The following LINGO2 variants were observed in gnomAD, a reference collection of about 807,000 sequenced individuals.
LINGO2 encodes the protein leucine-rich repeat and immunoglobulin-like domain-containing nogo receptor-interacting protein 2.
In LINGO2, 14 loss-of-function variants were observed where a neutral mutation model predicts 30.6. The observed-to-expected ratio is 0.46, with a 90% CI of 0.30 to 0.72. The LOEUF is 0.72. Among genes scored for constraint, LINGO2 ranks in the 30% least tolerant of loss-of-function variants. The pLI is 0.07. For synonymous variants in LINGO2, 317 were observed against 288.5 expected (o/e 1.10, Z -1.00); for missense variants, 729 against 751.7 (o/e 0.97, Z 0.35).
At chr9:27,967,738 AAC>A (rs1186530070) in intron 5 of LINGO2, among the ~76,000 whole-genome samples, 1 of 152,170 alleles carries the variant, frequency 6.6e-6, no homozygotes, top group African/African-American at 2.4e-5. Flanking sequence ...ACATTAGAGA[AAC>A]ACATCTTGCC....
intron 3 of LINGO2, among the ~76,000 whole-genome samples, chr9:28,296,004 C>A (rs150712103): frequency 6.6e-6 from 1 of 152,098 alleles, no homozygotes; most frequent in African/African-American, 2.4e-5. Context: ...AAGAGAGTAA[C>A]CAATGTAAAT....
chr9:28,069,669 G>A (rs1825415458), intron 4 of LINGO2, among the ~76,000 whole-genome samples: 1 of 152,088 alleles, frequency 6.6e-6, no homozygotes, highest in Non-Finnish European at 1.5e-5. Context: ...ATTCTGATGA[G>A]AGAATGTATT....
At chr9:28,892,782 TTAAA>T in the LINGO2 span, among the ~76,000 whole-genome samples, 3 of 152,136 alleles carry the variant, frequency 2.0e-5, no homozygotes, top group East Asian at 5.8e-4. Context: ...ATACTGTTCC[TTAAA>T]TAGTTTTAAA....
chr9:28,643,697 G>A (rs1011686052), intron 1 of LINGO2, among the ~76,000 whole-genome samples: 2 of 151,928 alleles, frequency 1.3e-5, no homozygotes, highest in Non-Finnish European at 2.9e-5. Flanking sequence ...ATCACATTAA[G>A]TTAAAAAGCT....
At chr9:28,885,177 G>A in the LINGO2 span, among the ~76,000 whole-genome samples, 4 of 147,994 alleles carry the variant, frequency 2.7e-5, no homozygotes, top group South Asian at 8.6e-4. Context: ...TGGGTAGGAG[G>A]GACACAGGGA....
chr9:28,689,920 G>T, the LINGO2 span, among the ~76,000 whole-genome samples: 1 of 152,100 alleles, frequency 6.6e-6, no homozygotes, highest in Non-Finnish European at 1.5e-5. Context: ...TCCTTTGTAG[G>T]AATCCATAGA....
At chr9:29,168,200 C>G in the LINGO2 span, among the ~76,000 whole-genome samples, 1 of 151,160 alleles carries the variant, frequency 6.6e-6, no homozygotes, top group African/African-American at 2.4e-5. Context: ...TTCCTCATCT[C>G]TAAAACTGGA....
At chr9:28,825,355 G>C in the LINGO2 span, among the ~76,000 whole-genome samples, 1 of 151,934 alleles carries the variant, frequency 6.6e-6, no homozygotes, top group African/African-American at 2.4e-5. Flanking sequence ...GTTAGAAACA[G>C]AGTGGTAATT....
At chr9:29,126,482 G>C in the LINGO2 span, among the ~76,000 whole-genome samples, 1 of 152,000 alleles carries the variant, frequency 6.6e-6, no homozygotes, top group African/African-American at 2.4e-5. Flanking sequence ...TCTCAATACA[G>C]AAATATTTAT....
chr9:28,974,017 G>C, the LINGO2 span, among the ~76,000 whole-genome samples: 1 of 152,164 alleles, frequency 6.6e-6, no homozygotes, highest in Non-Finnish European at 1.5e-5. Flanking sequence ...TGTAACTGTG[G>C]TGTGTAAACT....
chr9:28,792,431 C>T, the LINGO2 span, among the ~76,000 whole-genome samples: 3 of 151,972 alleles, frequency 2.0e-5, no homozygotes, highest in Non-Finnish European at 1.5e-5. Flanking sequence ...TCTAAAATTT[C>T]CAAACACAAA....
the LINGO2 span, among the ~76,000 whole-genome samples, chr9:29,073,178 A>C: frequency 2.0e-4 from 31 of 152,174 alleles, no homozygotes; most frequent in Non-Finnish European, 4.1e-4. Flanking sequence ...GTATATATAC[A>C]TACAGACCCA....
chr9:28,838,251 C>T, the LINGO2 span, among the ~76,000 whole-genome samples: 3 of 152,016 alleles, frequency 2.0e-5, no homozygotes, highest in Admixed American at 6.6e-5. Context: ...TCTATTAGGT[C>T]GAACATGAAA....
At chr9:28,779,344 C>T in the LINGO2 span, among the ~76,000 whole-genome samples, 1 of 152,112 alleles carries the variant, frequency 6.6e-6, no homozygotes, top group African/African-American at 2.4e-5. Flanking sequence ...CAAATTCCAT[C>T]TCCCACCTGC....
At chr9:28,843,588 T>C in the LINGO2 span, among the ~76,000 whole-genome samples, 3 of 151,502 alleles carry the variant, frequency 2.0e-5, no homozygotes, top group Admixed American at 6.6e-5. Context: ...CGAAAGAAAA[T>C]AGAGAGACTC....
chr9:28,096,003 T>C (rs956615297), intron 4 of LINGO2, among the ~76,000 whole-genome samples: 5 of 152,098 alleles, frequency 3.3e-5, no homozygotes, highest in Non-Finnish European at 5.9e-5. Context: ...TATCCAGGCA[T>C]TGTGGTGTAC....
chr9:28,772,072 A>T, the LINGO2 span, among the ~76,000 whole-genome samples: 1 of 152,220 alleles, frequency 6.6e-6, no homozygotes, highest in Non-Finnish European at 1.5e-5. Flanking sequence ...TGAATGAATG[A>T]GTAAATGAAT....
chr9:28,874,811 C>T, the LINGO2 span, among the ~76,000 whole-genome samples: 3 of 152,074 alleles, frequency 2.0e-5, no homozygotes, highest in Non-Finnish European at 2.9e-5. Flanking sequence ...AGTTAAATGA[C>T]CTGTGGCTTT....
the LINGO2 span, among the ~76,000 whole-genome samples, chr9:29,200,646 G>A: frequency 6.6e-6 from 1 of 151,976 alleles, no homozygotes; most frequent in Admixed American, 6.6e-5. Context: ...ACATAAGTAT[G>A]GTACATTCGT....
Sources: allele counts gnomAD v4.1 joint callset (sites outside exome capture counted in the v4.1 genomes callset), GRCh38; gene constraint gnomAD v4.1.1; transcripts MANE v1.5; gene names NCBI Gene and HGNC (gene_info 2026-07-23, HGNC 2026-07-21).